DOCK3: variants seen among roughly 807,000 people sequenced by gnomAD.
The protein encoded by DOCK3 is dedicator of cytokinesis 3.
A neutral mutation model predicts 265.6 loss-of-function variants in DOCK3; 60 were observed. The observed-to-expected ratio is 0.23, with a 90% confidence interval of 0.18 to 0.28. The LOEUF (loss-of-function observed/expected upper bound fraction) is 0.28, where lower values mean the gene tolerates loss of function less well. DOCK3 is among the 10% of genes least tolerant of loss of function. The pLI, the probability that DOCK3 is intolerant of heterozygous loss-of-function variation, is 1.00. For synonymous variants in DOCK3, 881 were observed against 938.0 expected, an observed-to-expected ratio of 0.94 and a Z score of 1.11; for missense variants, 1,981 against 2,594.3, an observed-to-expected ratio of 0.76 and a Z score of 5.14.
At chr3:51,012,674 G>A (rs1264084836) in intron 5 of DOCK3, among the ~76,000 whole-genome samples, 1 of 152,044 alleles carries the variant, frequency 6.6e-6, no homozygotes, top group Non-Finnish European at 1.5e-5. Context: ...TGTCCGATAA[G>A]CCCCAATGAG....
chr3:50,687,650 G>A (rs1157681104), intron 1 of DOCK3, among the ~76,000 whole-genome samples: 1 of 152,198 alleles, frequency 6.6e-6, no homozygotes, highest in African/African-American at 2.4e-5. Flanking sequence ...ATGTTGTTAA[G>A]TTCAGGCGAC....
rs889644316 is a variant in DOCK3, at chr3:51,125,704, C to T, written c.747-20845C>T. Among the ~76,000 whole-genome samples, 9 of 151,980 alleles carry T rather than the reference C, an allele frequency of 5.9e-5. 1 individual carries two copies. The highest frequency in any genetic ancestry group is 5.9e-4 in the Admixed American group (9 of 15,264). The stretch of plus-strand genomic sequence containing the variant: ...ATAGAGGAGTATGTATGTTACATGG[C>T]AAACTATAAAAAAAACTTAAATACT... On this transcript the variant is annotated intron_variant, in intron 9 of 52. Coordinates refer to ENST00000266037, the MANE Select transcript of DOCK3 (RefSeq NM_004947.5).
At chr3:50,947,895 G>C (rs2076470770) in intron 5 of DOCK3, among the ~76,000 whole-genome samples, 1 of 140,506 alleles carries the variant, frequency 7.1e-6, no homozygotes, top group African/African-American at 2.6e-5. Flanking sequence ...TTGCTCTGTT[G>C]CCCAGGCTGG....
chr3:51,071,293 T>C (rs1474123037), intron 6 of DOCK3, among the ~76,000 whole-genome samples: 1 of 152,150 alleles, frequency 6.6e-6, no homozygotes, highest in African/African-American at 2.4e-5. Flanking sequence ...GTTGAATTAT[T>C]GGAGTGAATG....
At chr3:51,249,924 G>A (rs1314980849) in intron 22 of DOCK3, among the ~76,000 whole-genome samples, 6 of 150,860 alleles carry the variant, frequency 4.0e-5, no homozygotes, top group African/African-American at 1.5e-4. Flanking sequence ...ATTTTGTTCT[G>A]TACTAAGAAA....
At chr3:51,106,026 C>A (rs1221175655) in intron 9 of DOCK3, among the ~76,000 whole-genome samples, 1 of 152,220 alleles carries the variant, frequency 6.6e-6, no homozygotes, top group Non-Finnish European at 1.5e-5. Context: ...AGGGGCAGAA[C>A]TCTGGTCAGG....
intron 3 of DOCK3, among the ~76,000 whole-genome samples, chr3:50,870,261 C>A (rs1273310805): frequency 3.9e-5 from 6 of 152,116 alleles, no homozygotes; most frequent in Non-Finnish European, 8.8e-5. Context: ...CTCTTTTGCT[C>A]TAATAATATT....
intron 6 of DOCK3, among the ~76,000 whole-genome samples, 160 bp downstream of exon 6, chr3:51,064,756 T>C (rs2081533392): frequency 6.6e-6 from 1 of 152,238 alleles, no homozygotes; most frequent in Non-Finnish European, 1.5e-5. Flanking sequence ...TTATTTGTCC[T>C]AGTTAGCGAA....
intron 28 of DOCK3, among the ~76,000 whole-genome samples, chr3:51,310,616 A>G (rs1046346937): frequency 9.8e-5 from 15 of 152,346 alleles, no homozygotes; most frequent in African/African-American, 3.6e-4. Context: ...AGGTTTGGGC[A>G]TTATCCCAAG....
chr3:50,715,305 C>T (rs1238796357), intron 1 of DOCK3, among the ~76,000 whole-genome samples: 1 of 152,138 alleles, frequency 6.6e-6, no homozygotes, highest in Non-Finnish European at 1.5e-5. Context: ...AATCCCGGTA[C>T]TTTGGGAGAC....
chr3:50,875,816 G>C (rs2047675683), intron 3 of DOCK3, among the ~76,000 whole-genome samples: 1 of 150,826 alleles, frequency 6.6e-6, no homozygotes, highest in African/African-American at 2.4e-5. Context: ...TTGCCTCATA[G>C]AATGAAGTTG....
At chr3:51,107,650 G>A (rs2083342023) in intron 9 of DOCK3, among the ~76,000 whole-genome samples, 1 of 152,136 alleles carries the variant, frequency 6.6e-6, no homozygotes, top group Non-Finnish European at 1.5e-5. Flanking sequence ...AAAAAAGAAT[G>A]AAAAGGAACA....
Position 51,227,298 on chromosome 3 carries a change from G to A in DOCK3, c.1393G>A (p.Gly465Ser). Residue 465 changes from glycine (G) to serine (S), a missense_variant, in exon 16 of 53, where the codon GGT (glycine) becomes AGT (serine). Gly to Ser is a moderately conservative substitution (Grantham distance 56). Coordinates refer to ENST00000266037, the MANE Select transcript of DOCK3 (RefSeq NM_004947.5). ...TTTCTTCCAGGATTGCATCAGCTTG[G>A]GTTCAGGAGAGCCAAATAGGAGTTC... is the stretch of plus-strand genomic sequence containing the variant. ...GEILKDCISL[G>S]SGEPNRSSYH... 1 of 1,613,546 alleles carries A rather than the reference G, an allele frequency of 6.2e-7. No individual in the cohort carries two copies. Among genetic ancestry groups the A allele is most frequent in the Non-Finnish European group, 8.5e-7 (1 of 1,179,732 alleles).
chr3:50,892,820 A>T (rs1040802818), intron 4 of DOCK3, among the ~76,000 whole-genome samples: 1 of 152,024 alleles, frequency 6.6e-6, no homozygotes, highest in Non-Finnish European at 1.5e-5. Flanking sequence ...CTCTAGAAAA[A>T]AGTGGAGGGC....
intron 39 of DOCK3, among the ~76,000 whole-genome samples, chr3:51,349,718 A>G (rs2085848604): frequency 6.6e-6 from 1 of 152,220 alleles, no homozygotes; most frequent in Non-Finnish European, 1.5e-5. Flanking sequence ...CATCATGGAT[A>G]TTAGTTAGCT....
chr3:51,114,478 T>C (rs897824519), intron 9 of DOCK3, among the ~76,000 whole-genome samples: 2 of 152,142 alleles, frequency 1.3e-5, no homozygotes, highest in African/African-American at 4.8e-5. Context: ...GTGGAGATTT[T>C]AGTTTAAATA....
chr3:51,084,274 A>G (rs1012205657), intron 7 of DOCK3, among the ~76,000 whole-genome samples: 5 of 152,296 alleles, frequency 3.3e-5, no homozygotes, highest in Admixed American at 3.3e-4. Flanking sequence ...TAAGATTTTA[A>G]AGGTATATAT....
intron 2 of DOCK3, among the ~76,000 whole-genome samples, chr3:50,791,116 TC>T (rs1204604711): frequency 2.0e-4 from 31 of 152,298 alleles, no homozygotes; most frequent in African/African-American, 7.5e-4. Context: ...TTTAATAAGA[TC>T]CCATTTGTCA....
rs778947573 is a variant in DOCK3, at chr3:51,227,966, T to C, written c.1541-16T>C. 6.2e-7 allele frequency: 1 copy of C among 1,613,396 alleles called. No individual in the cohort carries two copies. The highest frequency in any genetic ancestry group is 8.5e-7 in the Non-Finnish European group (1 of 1,179,484). On this transcript the variant is annotated splice_polypyrimidine_tract_variant and intron_variant, in intron 16 of 52. Coordinates refer to ENST00000266037, the MANE Select transcript of DOCK3 (RefSeq NM_004947.5). ...GTGGAAGGCAAAAAACAACTAATAC[T>C]TGGCTCTGATTACAGCAAAGGACAA...
Sources: allele counts gnomAD v4.1 joint callset (sites outside exome capture counted in the v4.1 genomes callset), GRCh38; gene constraint gnomAD v4.1.1; transcripts MANE v1.5; gene names NCBI Gene and HGNC (gene_info 2026-07-23, HGNC 2026-07-21).